CNTNAP5: variants seen among roughly 807,000 people sequenced by gnomAD.
CNTNAP5 encodes the protein contactin-associated protein-like 5.
Under a neutral mutation model 150.2 loss-of-function variants are expected in CNTNAP5, and 72 were observed. That is an observed-to-expected ratio of 0.48 (90% CI 0.40 to 0.58). The LOEUF is 0.58. CNTNAP5 is among the 20% of genes least tolerant of loss of function. The pLI, the probability that CNTNAP5 is intolerant of heterozygous loss-of-function variation, is 0.00. For missense variants in CNTNAP5, 1,636 were observed against 1,626.2 expected, an observed-to-expected ratio of 1.01 and a Z score of -0.10; for synonymous variants, 672 against 619.8, an observed-to-expected ratio of 1.08 and a Z score of -1.25.
At chr2:124,250,571 T>G (rs1476766550) in intron 3 of CNTNAP5, among the ~76,000 whole-genome samples, 1 of 151,960 alleles carries the variant, frequency 6.6e-6, no homozygotes, top group Non-Finnish European at 1.5e-5. Flanking sequence ...AATAAGATCT[T>G]GTGGTTGCAG....
intron 13 of CNTNAP5, among the ~76,000 whole-genome samples, chr2:124,677,159 C>T (rs150175292): frequency 1.2e-4 from 19 of 152,140 alleles, no homozygotes; most frequent in South Asian, 6.2e-4. Context: ...TTCTTCCTTC[C>T]GGTGGGTTCA....
chr2:124,751,463 C>T (rs1680726499), intron 14 of CNTNAP5, among the ~76,000 whole-genome samples: 1 of 152,158 alleles, frequency 6.6e-6, no homozygotes, highest in Non-Finnish European at 1.5e-5. Context: ...ACACATGACA[C>T]CAGGCATATC....
chr2:124,782,923 G>A (rs937636196), intron 17 of CNTNAP5, among the ~76,000 whole-genome samples: 2 of 152,144 alleles, frequency 1.3e-5, no homozygotes, highest in Admixed American at 1.3e-4. Context: ...TAGAAAGAAA[G>A]ATGATTTATG....
chr2:124,471,384 T>C (rs1018113759), intron 6 of CNTNAP5, among the ~76,000 whole-genome samples: 2 of 152,184 alleles, frequency 1.3e-5, no homozygotes, highest in African/African-American at 4.8e-5. Context: ...TGTTGGTGTA[T>C]AGGAATGCTA....
At chr2:124,061,597 T>C (rs1370645405) in intron 1 of CNTNAP5, among the ~76,000 whole-genome samples, 1 of 152,092 alleles carries the variant, frequency 6.6e-6, no homozygotes, top group African/African-American at 2.4e-5. Flanking sequence ...CAAAAAAAAG[T>C]GGAATACATT....
chr2:124,380,762 C>T (rs979671178), intron 3 of CNTNAP5, among the ~76,000 whole-genome samples: 10 of 152,204 alleles, frequency 6.6e-5, no homozygotes, highest in South Asian at 2.1e-4. Context: ...GTGTGCTATG[C>T]GCAAGGCACT....
intron 6 of CNTNAP5, 89 bp downstream of exon 6, chr2:124,447,026 T>C: frequency 9.2e-6 from 12 of 1,310,068 alleles, no homozygotes; most frequent in Non-Finnish European, 1.2e-5. Context: ...CTGAGAGAAG[T>C]GGTGGGGCAC....
At chr2:124,386,792 C>T (rs375702905) in intron 3 of CNTNAP5, among the ~76,000 whole-genome samples, 4 of 151,802 alleles carry the variant, frequency 2.6e-5, no homozygotes, top group African/African-American at 9.7e-5. Context: ...AATTGCCACT[C>T]CTCTGCAATG....
In CNTNAP5 at chr2:124,547,570, G is replaced by A. The variant is rs990533932; in HGVS notation, c.1650-15647G>A. ...TGATCAAGGGGCTCCTGTTGTGTCA[G>A]TATCTGGGGTGGCTGCTCGTATTCA... On this transcript the variant is annotated intron_variant, in intron 10 of 23. Coordinates refer to ENST00000682447, the MANE Select transcript of CNTNAP5 (RefSeq NM_001367498.1). Among the ~76,000 whole-genome samples the A allele has an allele frequency of 2.6e-5, 4 of 152,282 alleles. No individual in the cohort carries two copies. The East Asian group carries it at 7.7e-4, about 29-fold the overall frequency.
In CNTNAP5 at chr2:124,718,943, T is replaced by TGAA. The variant is rs576343252; in HGVS notation, c.2078-28286_2078-28285insGAA. Among the ~76,000 whole-genome samples, 243 of 138,600 alleles carry TGAA rather than the reference T, an allele frequency of 1.8e-3. 4 individuals carry two copies. Among genetic ancestry groups the TGAA allele is most frequent in the African/African-American group, 6.1e-3 (229 of 37,732 alleles). 90.9% of individuals were successfully genotyped at this position (138,600 alleles called of 152,430 possible). A position where few individuals can be genotyped will look rare whatever the true frequency, so the allele number is the denominator to read the frequency against. ...CTGGGCAACAGAGCAAGACTCCATC[T>TGAA]AAAAAAAAAAAAAAGAACGGGAAAT... On this transcript the variant is annotated intron_variant, in intron 13 of 23. Coordinates refer to ENST00000682447, the MANE Select transcript of CNTNAP5 (RefSeq NM_001367498.1).
At chr2:124,281,733 G>A (rs1418678740) in intron 3 of CNTNAP5, among the ~76,000 whole-genome samples, 1 of 152,078 alleles carries the variant, frequency 6.6e-6, no homozygotes, top group East Asian at 1.9e-4. Context: ...TTCTGCAGTG[G>A]TTTCACAAGC....
At chr2:124,386,185 A>C (rs539214764) in intron 3 of CNTNAP5, among the ~76,000 whole-genome samples, 1 of 152,332 alleles carries the variant, frequency 6.6e-6, no homozygotes, top group Admixed American at 6.5e-5. Context: ...ATAGCTGCGC[A>C]GAATCACCTA....
At chr2:124,831,859 T>C (rs539170447) in intron 19 of CNTNAP5, among the ~76,000 whole-genome samples, 1 of 152,152 alleles carries the variant, frequency 6.6e-6, no homozygotes, top group South Asian at 2.1e-4. Flanking sequence ...AACTGACATA[T>C]TGGACAAAGC....
At chr2:124,168,961 A>G (rs994051777) in intron 1 of CNTNAP5, among the ~76,000 whole-genome samples, 3 of 152,184 alleles carry the variant, frequency 2.0e-5, no homozygotes, top group Non-Finnish European at 2.9e-5. Context: ...CCTGACAGCC[A>G]TCATACTCCT....
At chr2:124,709,138 C>T (rs928368272) in intron 13 of CNTNAP5, among the ~76,000 whole-genome samples, 1 of 151,992 alleles carries the variant, frequency 6.6e-6, no homozygotes, top group Non-Finnish European at 1.5e-5. Flanking sequence ...ACAATCTCTG[C>T]TGCAATCAGA....
chr2:124,602,210 C>T (rs1245401863), intron 11 of CNTNAP5, among the ~76,000 whole-genome samples: 1 of 151,760 alleles, frequency 6.6e-6, no homozygotes, highest in Non-Finnish European at 1.5e-5. Flanking sequence ...GGCATAGTGG[C>T]ATGTGCCTGT....
chr2:124,589,839 G>C (rs1312599825), intron 11 of CNTNAP5, among the ~76,000 whole-genome samples: 1 of 152,132 alleles, frequency 6.6e-6, no homozygotes, highest in Non-Finnish European at 1.5e-5. Context: ...AAGCAGAATA[G>C]TTTCATCATG....
chr2:124,263,685 G>A (rs1687524754), intron 3 of CNTNAP5, among the ~76,000 whole-genome samples: 1 of 152,094 alleles, frequency 6.6e-6, no homozygotes, highest in Non-Finnish European at 1.5e-5. Flanking sequence ...GGCTTTTGTT[G>A]CCATTGCTTT....
At chr2:124,423,915 C>G (rs1002098146) in intron 4 of CNTNAP5, among the ~76,000 whole-genome samples, 1 of 151,774 alleles carries the variant, frequency 6.6e-6, no homozygotes, top group Admixed American at 6.6e-5. Context: ...CCGCCCGCCT[C>G]GGCCTCCCAA....
Sources: gnomAD v4.1 joint callset for allele counts (sites outside exome capture counted in the v4.1 genomes callset) on GRCh38, gnomAD v4.1.1 for gene constraint, MANE v1.5 for transcripts, NCBI Gene and HGNC (gene_info 2026-07-23, HGNC 2026-07-21) for gene names.